Variants in RSRC1 observed in about 807,000 individuals in gnomAD.
The protein encoded by RSRC1 is serine/Arginine-related protein 53.
Under a neutral mutation model 49.1 loss-of-function variants are expected in RSRC1, and 39 were observed. The ratio of observed to expected loss-of-function variants is 0.79; its 90% confidence interval spans 0.61 to 1.04. The LOEUF (loss-of-function observed/expected upper bound fraction) is 1.04, where lower values mean the gene tolerates loss of function less well. Ranked by LOEUF, RSRC1 falls within the 50% of genes least tolerant of loss-of-function variation. The pLI, the probability that RSRC1 is intolerant of heterozygous loss-of-function variation, is 0.00. For missense variants in RSRC1, 388 were observed against 402.4 expected (o/e 0.96, Z 0.31); for synonymous variants, 143 against 130.8 (o/e 1.09, Z -0.63).
At chr3:158,462,680 C>T (rs888614034) in intron 7 of RSRC1, among the ~76,000 whole-genome samples, 11 of 151,934 alleles carry the variant, frequency 7.2e-5, no homozygotes, top group African/African-American at 2.7e-4. Context: ...GTTGATATTT[C>T]TACAGCTCTC....
intron 4 of RSRC1, among the ~76,000 whole-genome samples, chr3:158,288,417 A>G (rs1440156419): frequency 1.3e-5 from 2 of 152,184 alleles, no homozygotes; most frequent in Admixed American, 6.5e-5. Context: ...GCTAACTCCA[A>G]ACAACTGGCC....
chr3:158,467,135 G>A (rs559507541), intron 7 of RSRC1, among the ~76,000 whole-genome samples: 2 of 152,196 alleles, frequency 1.3e-5, no homozygotes, highest in African/African-American at 2.4e-5. Context: ...AGAGTATGAC[G>A]ATTATTCTTT....
intron 6 of RSRC1, among the ~76,000 whole-genome samples, chr3:158,388,341 A>G (rs1733073577): frequency 6.6e-6 from 1 of 152,020 alleles, no homozygotes; most frequent in South Asian, 2.1e-4. Context: ...TATTAACAGT[A>G]ATATTACTTT....
chr3:158,187,476 A>G (rs1290573556), intron 3 of RSRC1, among the ~76,000 whole-genome samples: 1 of 152,038 alleles, frequency 6.6e-6, no homozygotes, highest in African/African-American at 2.4e-5. Context: ...GATATGAGTT[A>G]TAGGTCCAAA....
chr3:158,137,683 T>C (rs990942192), intron 3 of RSRC1, among the ~76,000 whole-genome samples: 36 of 151,060 alleles, frequency 2.4e-4, no homozygotes, highest in African/African-American at 8.5e-4. Context: ...GATGGAGTCT[T>C]GCACCTGTCG....
intron 5 of RSRC1, among the ~76,000 whole-genome samples, chr3:158,339,315 A>C (rs1730100574): frequency 6.6e-6 from 1 of 151,818 alleles, no homozygotes; most frequent in African/African-American, 2.4e-5. Context: ...AAAAAAAAAA[A>C]AAAAAAAAAT....
At chr3:158,409,563 A>G (rs1197278612) in intron 6 of RSRC1, among the ~76,000 whole-genome samples, 2 of 152,192 alleles carry the variant, frequency 1.3e-5, no homozygotes, top group Admixed American at 1.3e-4. Flanking sequence ...TTCTTACTAG[A>G]AAGTGAGCTC....
In RSRC1 at chr3:158,137,544, A is replaced by G. The variant is rs149872452; in HGVS notation, c.320+13553A>G. 6.6e-3 allele frequency among the ~76,000 whole-genome samples: 1,010 copies of G among 152,176 alleles called. 11 individuals are homozygous for G. The highest frequency in any genetic ancestry group is 0.023 in the African/African-American group (968 of 41,558). Reference sequence around the variant, plus strand: ...TTAGATCTAAAAGGAATATTGTAAAAATTAATTAGTTGACCTTATTTCCAA... The same window carrying G: ...TTAGATCTAAAAGGAATATTGTAAAGATTAATTAGTTGACCTTATTTCCAA... On this transcript the variant is annotated intron_variant, in intron 3 of 9. Transcript: ENST00000611884.
intron 5 of RSRC1, among the ~76,000 whole-genome samples, chr3:158,351,891 A>G (rs1308667483): frequency 2.3e-5 from 3 of 127,870 alleles, no homozygotes; most frequent in African/African-American, 1.4e-4. Context: ...TATAACTATT[A>G]TATAATATAT....
intron 6 of RSRC1, among the ~76,000 whole-genome samples, chr3:158,426,625 T>C (rs1735460634): frequency 6.6e-6 from 1 of 151,800 alleles, no homozygotes; most frequent in Non-Finnish European, 1.5e-5. Context: ...GTATTCTTTA[T>C]GTTTTTAGTA....
chr3:158,219,181 C>T (rs60962704), intron 4 of RSRC1, among the ~76,000 whole-genome samples: 34,084 of 151,392 alleles, frequency 0.23, 4,311 homozygotes, highest in Non-Finnish European at 0.29. Context: ...TTTAGGAAAC[C>T]ATTTTTATTC....
chr3:158,472,354 G>A (rs1205374742), intron 7 of RSRC1, among the ~76,000 whole-genome samples: 3 of 152,044 alleles, frequency 2.0e-5, no homozygotes, highest in African/African-American at 7.2e-5. Flanking sequence ...AAAGCATCAT[G>A]TTTTTTAAAT....
Position 158,517,755 on chromosome 3 carries a change from A to ATTTTTTTTTTT in RSRC1, c.653-19309_653-19299dup, listed in dbSNP as rs766129663. 1.1e-3 allele frequency among the ~76,000 whole-genome samples: 37 copies of ATTTTTTTTTTT among 35,168 alleles called. 4 individuals carry two copies. The highest frequency in any genetic ancestry group is 2.4e-3 in the Admixed American group (6 of 2,544). The allele number at this position is 35,168 out of a possible 152,430, so 23.1% of individuals were successfully genotyped here. On this transcript the variant is annotated intron_variant, in intron 7 of 9. Transcript: ENST00000611884. ...AGGTGTATACCACAACACCCAGCTA[A>ATTTTTTTTTTT]TTTTTTTTTTTTTTTTTTTTTTTTT...
intron 4 of RSRC1, among the ~76,000 whole-genome samples, chr3:158,296,885 G>A (rs59903748): frequency 0.077 from 11,659 of 152,064 alleles, 544 homozygotes; most frequent in South Asian, 0.13. Flanking sequence ...GAGAGCAAAG[G>A]TTGGAAGCCA....
chr3:158,487,949 G>GGAAAAAAAAAACAAAAAAAAAAAAAAA (rs1553814781), intron 7 of RSRC1, among the ~76,000 whole-genome samples: 1 of 28,920 alleles, frequency 3.5e-5, no homozygotes, highest in African/African-American at 1.3e-4. Context: ...TCCATCTCAA[G>GGAAAAAAAAAACAAAAAAAAAAAAAAA]AAAAAAAAAA....
chr3:158,283,414 T>A (rs570524790), intron 4 of RSRC1, among the ~76,000 whole-genome samples: 1 of 152,204 alleles, frequency 6.6e-6, no homozygotes, highest in Non-Finnish European at 1.5e-5. Flanking sequence ...TACTGTTTAC[T>A]TTTCAGTTTA....
chr3:158,201,258 G>GT (rs1721031202), intron 3 of RSRC1, among the ~76,000 whole-genome samples: 1 of 151,980 alleles, frequency 6.6e-6, no homozygotes, highest in Non-Finnish European at 1.5e-5. Flanking sequence ...GTAATGTGTT[G>GT]TTTTTTCCTC....
intron 6 of RSRC1, among the ~76,000 whole-genome samples, chr3:158,355,131 A>G (rs547062339): frequency 7.0e-4 from 107 of 152,144 alleles, no homozygotes; most frequent in Admixed American, 2.4e-3. Flanking sequence ...CTTTTCATTT[A>G]TAAAATTGGC....
intron 5 of RSRC1, among the ~76,000 whole-genome samples, chr3:158,313,563 T>C (rs917648649): frequency 6.6e-6 from 1 of 152,218 alleles, no homozygotes; most frequent in African/African-American, 2.4e-5. Flanking sequence ...TCCACTGTTA[T>C]ATCCAGAATT....
Sources: gnomAD v4.1 joint callset for allele counts (sites outside exome capture counted in the v4.1 genomes callset) on GRCh38, gnomAD v4.1.1 for gene constraint, MANE v1.5 for transcripts, NCBI Gene and HGNC (gene_info 2026-07-23, HGNC 2026-07-21) for gene names.